Variants in DZANK1 observed in about 807,000 individuals in gnomAD.
DZANK1 encodes the protein double zinc ribbon and ankyrin repeat-containing protein 1.
A neutral mutation model predicts 94.5 loss-of-function variants in DZANK1; 91 were observed. The observed-to-expected ratio is 0.96, with a 90% confidence interval of 0.81 to 1.15. The LOEUF is 1.15. Ranked by LOEUF, DZANK1 falls within the 50% of genes most tolerant of loss-of-function variation. The pLI is 0.00. For synonymous variants in DZANK1, 312 were observed against 325.3 expected (o/e 0.96, Z 0.44); for missense variants, 903 against 916.4 (o/e 0.99, Z 0.19).
At chr20:18,420,014 T>C (rs551831074) in intron 10 of DZANK1, 5 of 152,110 alleles carry the variant, frequency 3.3e-5, no homozygotes, top group South Asian at 4.1e-4. Context: ...GCAGAAAACA[T>C]GCAGCTTCTC....
chr20:18,451,027 C>G (rs1288551043), intron 6 of DZANK1, among the ~76,000 whole-genome samples: 1 of 152,180 alleles, frequency 6.6e-6, no homozygotes, highest in Non-Finnish European at 1.5e-5. Context: ...CTCACTGCAA[C>G]CTCCGCCTCC....
intron 13 of DZANK1, among the ~76,000 whole-genome samples, chr20:18,410,936 G>A (rs1163077835): frequency 1.3e-5 from 2 of 152,204 alleles, no homozygotes; most frequent in Non-Finnish European, 2.9e-5. Flanking sequence ...GGGTGACAAA[G>A]TGAGATCCTA....
intron 7 of DZANK1, 73 bp downstream of exon 7, chr20:18,448,911 A>G: frequency 2.5e-6 from 3 of 1,213,544 alleles, no homozygotes. Context: ...AAAATGTCGT[A>G]TCTTTAAATT....
At chr20:18,384,139 A>C in exon 21 of DZANK1, 1 of 271,092 alleles carries the variant, frequency 3.7e-6, no homozygotes, top group Non-Finnish European at 6.9e-6. Flanking sequence ...GGCTCACTGT[A>C]ACCTCTGCCT....
chr20:18,459,813 G>A (rs1166274296), intron 3 of DZANK1, among the ~76,000 whole-genome samples: 1 of 152,146 alleles, frequency 6.6e-6, no homozygotes, highest in Admixed American at 6.6e-5. Flanking sequence ...GCCACTCCGC[G>A]AACACAGTAT....
At chr20:18,409,448 A>G (rs1238867129) in intron 13 of DZANK1, among the ~76,000 whole-genome samples, 1 of 152,120 alleles carries the variant, frequency 6.6e-6, no homozygotes, top group African/African-American at 2.4e-5. Context: ...TAGCTAGTAG[A>G]GTTTAACAAA....
chr20:18,445,918 T>C (rs992125035), intron 7 of DZANK1, among the ~76,000 whole-genome samples: 1 of 151,948 alleles, frequency 6.6e-6, no homozygotes, highest in African/African-American at 2.4e-5. Context: ...CCACCATGCC[T>C]AATTTTTTTT....
intron 9 of DZANK1, among the ~76,000 whole-genome samples, chr20:18,432,254 C>T (rs1319626348): frequency 6.6e-6 from 1 of 152,166 alleles, no homozygotes; most frequent in Non-Finnish European, 1.5e-5. Context: ...AAAGAGTTTG[C>T]AGTGATATTA....
At chr20:18,449,191 AG>A in intron 6 of DZANK1, 122 bp from the exon 7 acceptor site, 1 of 780,192 alleles carries the variant, frequency 1.3e-6, no homozygotes, top group South Asian at 1.7e-5. Flanking sequence ...ACATATAAAG[AG>A]GAATAATAGA....
chr20:18,453,669 G>A, intron 5 of DZANK1, 62 bp downstream of exon 5: 1 of 1,154,316 alleles, frequency 8.7e-7, no homozygotes, highest in Non-Finnish European at 1.3e-6. Context: ...CAACGAACAT[G>A]CCATGAACCT....
In DZANK1 at chr20:18,398,646, C is replaced by A. The variant is rs748382947; in HGVS notation, c.1433-20G>T. 1 of 1,602,792 alleles carries A rather than the reference C, an allele frequency of 6.2e-7. No individual in the cohort carries two copies. Among genetic ancestry groups the A allele is most frequent in the East Asian group, 2.2e-5 (1 of 44,838 alleles). ...AGTACCCTAAGAAAGAAGAGAAACC[C>A]CGCCATCTGGATGATTCTCCTGAGA... is the stretch of plus-strand genomic sequence containing the variant. On this transcript the variant is annotated intron_variant, in intron 13 of 20. Transcript: ENST00000262547.
chr20:18,464,336 G>A (rs1277431301), intron 2 of DZANK1, among the ~76,000 whole-genome samples: 4 of 152,246 alleles, frequency 2.6e-5, no homozygotes, highest in Admixed American at 2.6e-4. Flanking sequence ...GATTACAGGC[G>A]TGAGCCACCA....
intron 2 of DZANK1, 113 bp downstream of exon 2, chr20:18,465,137 C>A: frequency 1.4e-6 from 1 of 696,448 alleles, no homozygotes; most frequent in South Asian, 2.0e-5. Flanking sequence ...ACAAATTTCC[C>A]AAAAAGCTGA....
Position 18,427,332 on chromosome 20 carries a change from T to C in DZANK1, c.862-173A>G, listed in dbSNP as rs148937150. ...GTAAATAGTGTCAGACAAATATCTGTAGGTTTTTTTGGGTTTTTTTTTTTC... is the reference window on the plus strand; with the variant it reads ...GTAAATAGTGTCAGACAAATATCTGCAGGTTTTTTTGGGTTTTTTTTTTTC... On this transcript the variant is annotated intron_variant, in intron 9 of 20. Transcript: ENST00000262547. Among the ~76,000 whole-genome samples, 24 of 152,126 alleles carry C rather than the reference T, an allele frequency of 1.6e-4. No homozygotes were observed. In the East Asian group the frequency reaches 4.6e-3, roughly 29 times the overall value.
intron 19 of DZANK1, among the ~76,000 whole-genome samples, chr20:18,388,347 T>A (rs1174612541): frequency 1.3e-5 from 2 of 152,108 alleles, no homozygotes; most frequent in African/African-American, 4.8e-5. Flanking sequence ...AAATGCCAAT[T>A]TACAGAATGG....
chr20:18,415,999 T>C (rs1252457008), intron 10 of DZANK1, among the ~76,000 whole-genome samples: 1 of 152,200 alleles, frequency 6.6e-6, no homozygotes, highest in Non-Finnish European at 1.5e-5. Context: ...TATTGCCTGG[T>C]AGGAGACTTG....
intron 10 of DZANK1, among the ~76,000 whole-genome samples, chr20:18,424,993 G>A (rs1472639411): frequency 6.6e-6 from 1 of 152,192 alleles, no homozygotes; most frequent in Non-Finnish European, 1.5e-5. Flanking sequence ...TGTCAAAACA[G>A]ATCTGTATTT....
At chr20:18,439,612 T>C (rs1354736824) in intron 8 of DZANK1, among the ~76,000 whole-genome samples, 1 of 152,200 alleles carries the variant, frequency 6.6e-6, no homozygotes, top group Non-Finnish European at 1.5e-5. Context: ...CTAGCTCTAA[T>C]GAGATCAGGG....
chr20:18,419,694 T>C (rs2057680866), intron 10 of DZANK1, among the ~76,000 whole-genome samples: 1 of 152,010 alleles, frequency 6.6e-6, no homozygotes, highest in Non-Finnish European at 1.5e-5. Flanking sequence ...AAAAATACTC[T>C]TTGAGAATGA....
Sources: allele counts gnomAD v4.1 joint callset (sites outside exome capture counted in the v4.1 genomes callset), GRCh38; gene constraint gnomAD v4.1.1; transcripts MANE v1.5; gene names NCBI Gene and HGNC (gene_info 2026-07-23, HGNC 2026-07-21).